UNC5C: variants seen among roughly 807,000 people sequenced by gnomAD.
The protein encoded by UNC5C is netrin receptor UNC5C.
A neutral mutation model predicts 99.8 loss-of-function variants in UNC5C; 47 were observed. The ratio of observed to expected loss-of-function variants is 0.47; its 90% CI spans 0.37 to 0.60. The LOEUF (loss-of-function observed/expected upper bound fraction) is 0.60. Ranked by LOEUF, UNC5C falls within the 20% of genes least tolerant of loss-of-function variation. The probability of loss-of-function intolerance (pLI) is 0.00; values close to 1 mark genes in which losing one functional copy is unlikely to be tolerated. For synonymous variants in UNC5C, 487 were observed against 452.2 expected (o/e 1.08, Z -0.98); for missense variants, 1,062 against 1,165.9 (o/e 0.91, Z 1.30).
chr4:95,542,674 T>C (rs998898106), intron 1 of UNC5C, among the ~76,000 whole-genome samples: 1 of 152,170 alleles, frequency 6.6e-6, no homozygotes, highest in Non-Finnish European at 1.5e-5. Context: ...ACTATTTTTT[T>C]AATTCTGAAA....
chr4:95,462,932 C>G (rs754284744), intron 1 of UNC5C, among the ~76,000 whole-genome samples: 5 of 152,136 alleles, frequency 3.3e-5, no homozygotes, highest in Admixed American at 3.3e-4. Context: ...GGCTGCTCTG[C>G]TAGTCTTCAA....
In UNC5C at chr4:95,193,396, G is replaced by A. The variant is rs150615492; in HGVS notation, c.2137-8200C>T. 1.2e-4 allele frequency among the ~76,000 whole-genome samples: 19 copies of A among 152,288 alleles called. 1 individual carries two copies. In the East Asian group the frequency reaches 3.5e-3, roughly 28 times the overall value. On this transcript the variant is annotated intron_variant, in intron 12 of 15. Coordinates refer to ENST00000453304, the MANE Select transcript of UNC5C (RefSeq NM_003728.4). ...TCTCCGTGCTGGAGCCGGCACAGGA[G>A]GCTGAGTTGTACTGCAGCGGTGCCC... is the stretch of plus-strand genomic sequence containing the variant.
At chr4:95,371,712 G>A (rs1036201705) in intron 1 of UNC5C, among the ~76,000 whole-genome samples, 1 of 152,118 alleles carries the variant, frequency 6.6e-6, no homozygotes, top group African/African-American at 2.4e-5. Context: ...GGCTACGTAA[G>A]TGTTTGTTCA....
intron 10 of UNC5C, among the ~76,000 whole-genome samples, chr4:95,212,959 C>T (rs1051332802): frequency 2.0e-5 from 3 of 152,210 alleles, no homozygotes; most frequent in Non-Finnish European, 4.4e-5. Context: ...TGCATTACTG[C>T]CAGGGCCCAC....
At chr4:95,304,546 C>A (rs971279219) in intron 2 of UNC5C, among the ~76,000 whole-genome samples, 2 of 152,050 alleles carry the variant, frequency 1.3e-5, no homozygotes, top group African/African-American at 4.8e-5. Context: ...AACCTCTTTC[C>A]CCAGTCCCCA....
chr4:95,390,890 C>T (rs1745337724), intron 1 of UNC5C, among the ~76,000 whole-genome samples: 1 of 152,134 alleles, frequency 6.6e-6, no homozygotes, highest in South Asian at 2.1e-4. Context: ...CCACCATGCC[C>T]AGTGAGATGA....
intron 1 of UNC5C, among the ~76,000 whole-genome samples, chr4:95,389,872 ATAT>A (rs1745307461): frequency 6.6e-6 from 1 of 152,250 alleles, no homozygotes; most frequent in Non-Finnish European, 1.5e-5. Context: ...AATTAAAATA[ATAT>A]TATTAAGATA....
At chr4:95,321,396 C>T (rs899159074) in intron 2 of UNC5C, among the ~76,000 whole-genome samples, 9 of 152,066 alleles carry the variant, frequency 5.9e-5, no homozygotes, top group South Asian at 2.1e-4. Context: ...AAAACAAAAA[C>T]GTTTATACGC....
In UNC5C at chr4:95,182,127, A is replaced by C. The variant is rs141658562; in HGVS notation, c.2451+770T>G. Among the ~76,000 whole-genome samples, 221 of 152,252 alleles carry C rather than the reference A, an allele frequency of 1.5e-3. 2 individuals are homozygous for C. Among genetic ancestry groups the C allele is most frequent in the Non-Finnish European group, 2.6e-3 (178 of 68,026 alleles). On this transcript the variant is annotated intron_variant, in intron 14 of 15. Transcript: ENST00000453304. ...AGGCTTTGGATCCAAGGTAACAGAT[A>C]AGGAAGGTCATGGGCACTTCCTCTT...
At chr4:95,533,171 G>A (rs930850867) in intron 1 of UNC5C, among the ~76,000 whole-genome samples, 4 of 152,048 alleles carry the variant, frequency 2.6e-5, no homozygotes, top group Admixed American at 2.6e-4. Flanking sequence ...ACCAAGGTGG[G>A]TGGATCACGA....
At chr4:95,494,252 T>C (rs752232558) in intron 1 of UNC5C, among the ~76,000 whole-genome samples, 4 of 151,642 alleles carry the variant, frequency 2.6e-5, no homozygotes, top group Non-Finnish European at 5.9e-5. Flanking sequence ...TCAGTTTACA[T>C]TTTATAGGAA....
At chr4:95,292,677 T>C (rs1741521668) in intron 3 of UNC5C, among the ~76,000 whole-genome samples, 1 of 152,188 alleles carries the variant, frequency 6.6e-6, no homozygotes, top group Non-Finnish European at 1.5e-5. Context: ...TACAAGAGTG[T>C]AGAGGCAATT....
At chr4:95,360,041 A>T (rs537517106) in intron 1 of UNC5C, among the ~76,000 whole-genome samples, 1 of 152,196 alleles carries the variant, frequency 6.6e-6, no homozygotes, top group South Asian at 2.1e-4. Context: ...ACAAATACTC[A>T]ATACATAGAC....
chr4:95,385,089 G>T (rs1745176835), intron 1 of UNC5C, among the ~76,000 whole-genome samples: 1 of 152,056 alleles, frequency 6.6e-6, no homozygotes, highest in South Asian at 2.1e-4. Context: ...GAGGTGAAAT[G>T]TTCTCAACCA....
chr4:95,431,530 A>ATT (rs1746634245), intron 1 of UNC5C, among the ~76,000 whole-genome samples: 8 of 151,860 alleles, frequency 5.3e-5, no homozygotes, highest in African/African-American at 1.9e-4. Flanking sequence ...CAATAAAATA[A>ATT]GGGGTAAAGA....
At chr4:95,203,049 C>T in intron 11 of UNC5C, 85 bp from the exon 12 acceptor site, 2 of 1,208,654 alleles carry the variant, frequency 1.7e-6, no homozygotes, top group Non-Finnish European at 2.4e-6. Flanking sequence ...GTGAGTAGAG[C>T]AGGACCTATC....
intron 4 of UNC5C, among the ~76,000 whole-genome samples, chr4:95,273,378 C>G (rs950261614): frequency 1.3e-5 from 2 of 152,202 alleles, no homozygotes; most frequent in Non-Finnish European, 2.9e-5. Flanking sequence ...GATCCTAGTA[C>G]TCTCCAAAAG....
At chr4:95,365,315 A>T (rs1036548469) in intron 1 of UNC5C, among the ~76,000 whole-genome samples, 1 of 148,168 alleles carries the variant, frequency 6.7e-6, no homozygotes, top group African/African-American at 2.4e-5. Context: ...AAAAAAAGAA[A>T]AGAAATAAAG....
chr4:95,360,274 TA>T (rs1049645052), intron 1 of UNC5C, among the ~76,000 whole-genome samples: 3 of 152,180 alleles, frequency 2.0e-5, no homozygotes, highest in African/African-American at 7.2e-5. Flanking sequence ...AATATATTTA[TA>T]AAAATGTTTT....
Sources: gnomAD v4.1 joint callset for allele counts (sites outside exome capture counted in the v4.1 genomes callset) on GRCh38, gnomAD v4.1.1 for gene constraint, MANE v1.5 for transcripts, NCBI Gene and HGNC (gene_info 2026-07-23, HGNC 2026-07-21) for gene names.